The following PAN3 variants were observed in gnomAD, a reference collection of about 807,000 sequenced individuals.
PAN3 encodes PAN2-PAN3 deadenylation complex subunit PAN3.
A neutral mutation model predicts 96.2 loss-of-function variants in PAN3; 19 were observed. The observed-to-expected ratio is 0.20, with a 90% confidence interval of 0.14 to 0.29. PAN3 has a LOEUF of 0.29. Among genes scored for constraint, PAN3 ranks in the 10% least tolerant of loss-of-function variants. The pLI is 1.00. For synonymous variants in PAN3, 433 were observed against 406.6 expected (o/e 1.06, Z -0.78); for missense variants, 882 against 1,108.1 (o/e 0.80, Z 2.90).
chr13:28,169,524 C>A (rs1475506806), intron 1 of PAN3, among the ~76,000 whole-genome samples: 2 of 151,540 alleles, frequency 1.3e-5, no homozygotes, highest in Non-Finnish European at 2.9e-5. Context: ...AGCCACCGCG[C>A]CCGGCTGTAT....
intron 7 of PAN3, among the ~76,000 whole-genome samples, chr13:28,256,801 A>G (rs905356722): frequency 6.6e-6 from 1 of 152,116 alleles, no homozygotes; most frequent in Non-Finnish European, 1.5e-5. Flanking sequence ...TCTTTATGGC[A>G]TGTTTTGCTT....
At chr13:28,256,258 G>A in intron 6 of PAN3, 34 bp from the exon 7 acceptor site, 1 of 1,586,566 alleles carries the variant, frequency 6.3e-7, no homozygotes, top group South Asian at 1.2e-5. Flanking sequence ...ACCAATTATT[G>A]CTCCATTAAG....
At chr13:28,163,954 A>G (rs1002436502) in intron 1 of PAN3, among the ~76,000 whole-genome samples, 7 of 152,220 alleles carry the variant, frequency 4.6e-5, no homozygotes, top group South Asian at 2.1e-4. Context: ...TTGGCCAGGC[A>G]TAGTGGTGTG....
chr13:28,237,153 G>A (rs1021715378), intron 6 of PAN3, among the ~76,000 whole-genome samples: 6 of 151,724 alleles, frequency 4.0e-5, no homozygotes, highest in African/African-American at 1.5e-4. Context: ...GATTGGGCTG[G>A]AACATGGAAA....
At chr13:28,257,767 T>A (rs557881311) in intron 7 of PAN3, among the ~76,000 whole-genome samples, 6 of 139,034 alleles carry the variant, frequency 4.3e-5, no homozygotes, top group African/African-American at 1.6e-4. Flanking sequence ...TAATTATATA[T>A]TATATATAAA....
intron 5 of PAN3, among the ~76,000 whole-genome samples, chr13:28,204,345 A>G (rs572481047): frequency 2.0e-5 from 3 of 152,360 alleles, no homozygotes; most frequent in African/African-American, 7.2e-5. Flanking sequence ...CTATGACTAC[A>G]TAGTTCAAAT....
At chr13:28,158,221 T>C (rs147963685) in intron 1 of PAN3, among the ~76,000 whole-genome samples, 1,555 of 151,562 alleles carry the variant, frequency 0.01, 24 homozygotes, top group African/African-American at 0.036. Flanking sequence ...AAGACTTAAA[T>C]GTAAAACCTA....
At chr13:28,269,686 TCA>T (rs1293281735) in intron 12 of PAN3, among the ~76,000 whole-genome samples, 1 of 152,190 alleles carries the variant, frequency 6.6e-6, no homozygotes, top group African/African-American at 2.4e-5. Flanking sequence ...TAGTCATTTT[TCA>T]CATTGTCTTG....
Position 28,280,380 on chromosome 13 carries a change from C to T in PAN3, c.2190-32C>T, listed in dbSNP as rs753843133. The T allele has an allele frequency of 1.9e-6, 3 of 1,580,946 alleles. No homozygotes were observed. In the South Asian group the frequency reaches 3.5e-5, roughly 19 times the overall value. On this transcript the variant is annotated intron_variant, in intron 15 of 18. Coordinates refer to ENST00000380958, the MANE Select transcript of PAN3 (RefSeq NM_175854.8). ...CTTGTTTTTTAAATTGCATGTTGGA[C>T]ATCCAAGTAATTCCTCTTTTATCTT...
chr13:28,269,932 A>G (rs1374775116), intron 12 of PAN3, among the ~76,000 whole-genome samples: 1 of 152,224 alleles, frequency 6.6e-6, no homozygotes, highest in Non-Finnish European at 1.5e-5. Flanking sequence ...TTACAACAAT[A>G]TGAATATAAG....
chr13:28,155,338 C>A (rs1325072625), intron 1 of PAN3, among the ~76,000 whole-genome samples: 1 of 151,936 alleles, frequency 6.6e-6, no homozygotes, highest in Non-Finnish European at 1.5e-5. Context: ...GCCTGTAATC[C>A]CAGCACTTCG....
chr13:28,160,834 A>G (rs1211667758), intron 1 of PAN3, among the ~76,000 whole-genome samples: 1 of 152,226 alleles, frequency 6.6e-6, no homozygotes, highest in African/African-American at 2.4e-5. Context: ...TTATGGAATT[A>G]CCTCACTTTA....
intron 5 of PAN3, chr13:28,215,711 T>C (rs912981539): frequency 1.1e-4 from 163 of 1,494,998 alleles, no homozygotes; most frequent in Middle Eastern, 2.3e-4. Flanking sequence ...ATGCCGCCAT[T>C]GTTGATATAG....
chr13:28,166,573 T>C (rs546005532), intron 1 of PAN3, among the ~76,000 whole-genome samples: 1 of 152,300 alleles, frequency 6.6e-6, no homozygotes, highest in East Asian at 1.9e-4. Context: ...GGGGGCAGTC[T>C]TGCCTTCACA....
Position 28,270,799 on chromosome 13 carries a change from A to G in PAN3, c.1891A>G (p.Ile631Val), listed in dbSNP as rs1178439858. The G allele has an allele frequency of 1.9e-6, 3 of 1,613,910 alleles. No individual in the cohort carries two copies. The highest frequency in any genetic ancestry group is 2.2e-5 in the East Asian group (1 of 44,886). The change falls in exon 13 of 19, where the codon ATT becomes GTT. Residue 631 changes from isoleucine (I) to valine (V), a missense_variant. Coordinates refer to ENST00000380958, the MANE Select transcript of PAN3 (RefSeq NM_175854.8). ...CCAACTAAGTTCTGCATTGCGTACC[A>G]TTCATACAGCAGGTTTGGCATGTCG... ...IVQLSSALRT[I>V]HTAGLACRVM...
rs532953201 is a variant in PAN3 at position 28,284,031 on chromosome 13, T to C, written c.2384+2652T>C. On this transcript the variant is annotated intron_variant, in intron 17 of 18. Coordinates refer to ENST00000380958, the MANE Select transcript of PAN3 (RefSeq NM_175854.8). ...ACTAACTTGTGCATACTTAATCTTA[T>C]ATATATGTAAATATAGGCCAATTGT... 3.3e-5 allele frequency among the ~76,000 whole-genome samples: 5 copies of C among 152,336 alleles called. No individual in the cohort carries two copies. The South Asian group carries it at 6.2e-4, about 19-fold the overall frequency.
At chr13:28,239,824 A>T (rs543339450) in intron 6 of PAN3, 200 of 407,124 alleles carry the variant, frequency 4.9e-4, no homozygotes, top group Non-Finnish European at 7.9e-4. Flanking sequence ...CAGTATTCTT[A>T]CTGACTTCGT....
intron 4 of PAN3, among the ~76,000 whole-genome samples, chr13:28,185,507 T>C (rs1422689971): frequency 6.6e-6 from 1 of 152,222 alleles, no homozygotes; most frequent in Non-Finnish European, 1.5e-5. Flanking sequence ...CATTTGTTTT[T>C]GTTTAATCCA....
At chr13:28,252,136 C>T (rs1395656530) in intron 6 of PAN3, among the ~76,000 whole-genome samples, 1 of 150,830 alleles carries the variant, frequency 6.6e-6, no homozygotes, top group Non-Finnish European at 1.5e-5. Context: ...GGCCTGCCTG[C>T]CTCAGCCTCC....
Sources: allele counts gnomAD v4.1 joint callset (sites outside exome capture counted in the v4.1 genomes callset), GRCh38; gene constraint gnomAD v4.1.1; transcripts MANE v1.5; gene names NCBI Gene and HGNC (gene_info 2026-07-23, HGNC 2026-07-21).